Variants in PRKAR2B observed in about 807,000 individuals in gnomAD.
PRKAR2B encodes protein kinase cAMP-dependent type II regulatory subunit beta.
In PRKAR2B, 14 loss-of-function variants were observed where a neutral mutation model predicts 49.9. The ratio of observed to expected loss-of-function variants is 0.28; its 90% CI spans 0.19 to 0.44. The LOEUF is 0.44. PRKAR2B is among the 20% of genes least tolerant of loss of function. The probability of loss-of-function intolerance (pLI) is 1.00; values close to 1 mark genes in which losing one functional copy is unlikely to be tolerated. For synonymous variants in PRKAR2B, 196 were observed against 197.7 expected (o/e 0.99, Z 0.07); for missense variants, 393 against 537.9 (o/e 0.73, Z 2.67).
chr7:107,049,227 C>A (rs918949591), intron 1 of PRKAR2B, among the ~76,000 whole-genome samples: 3 of 152,106 alleles, frequency 2.0e-5, no homozygotes, highest in Non-Finnish European at 4.4e-5. Flanking sequence ...GATAAATGGA[C>A]AAGTGGTCAG....
At chr7:107,060,709 A>G (rs1426224931) in intron 1 of PRKAR2B, among the ~76,000 whole-genome samples, 1 of 148,256 alleles carries the variant, frequency 6.7e-6, no homozygotes, top group African/African-American at 2.5e-5. Flanking sequence ...AAAATCTCCC[A>G]ATCTTAGGTT....
chr7:107,066,059 G>A (rs912931364), intron 1 of PRKAR2B, among the ~76,000 whole-genome samples: 3 of 152,182 alleles, frequency 2.0e-5, no homozygotes, highest in African/African-American at 7.2e-5. Context: ...ATACAAGCAC[G>A]AAGATATTCA....
At chr7:107,094,976 C>A (rs1401330496) in intron 2 of PRKAR2B, among the ~76,000 whole-genome samples, 1 of 152,088 alleles carries the variant, frequency 6.6e-6, no homozygotes, top group African/African-American at 2.4e-5. Flanking sequence ...TTAGGATTGT[C>A]TTGGCAATAC....
chr7:107,153,705 G>A lies in PRKAR2B; in HGVS notation c.918+454G>A, dbSNP rs183766188. On this transcript the variant is annotated intron_variant, in intron 8 of 10. Coordinates refer to ENST00000265717, the MANE Select transcript of PRKAR2B (RefSeq NM_002736.3). ...TCCAAGACTACATGTGGGTCAACATGTTATTTAATCCCTAATACTTTTCTA... is the reference window on the plus strand; with the variant it reads ...TCCAAGACTACATGTGGGTCAACATATTATTTAATCCCTAATACTTTTCTA... Among the ~76,000 whole-genome samples, 311 of 152,262 alleles carry A rather than the reference G, an allele frequency of 2.0e-3. 2 individuals are homozygous for A. The highest frequency in any genetic ancestry group is 7.1e-3 in the African/African-American group (293 of 41,552).
chr7:107,126,413 T>G, intron 3 of PRKAR2B, among the ~76,000 whole-genome samples: 1 of 98,970 alleles, frequency 1.0e-5, no homozygotes. Context: ...AGAGTGAGAA[T>G]CTGTCTCAAA....
chr7:107,057,280 C>T (rs1486388303), intron 1 of PRKAR2B, among the ~76,000 whole-genome samples: 2 of 152,154 alleles, frequency 1.3e-5, no homozygotes, highest in South Asian at 2.1e-4. Context: ...GCATGTTCTT[C>T]AGCCACCTCC....
At position 107,070,334 on chromosome 7, in the gene PRKAR2B, A is replaced by T. The variant is rs928823801; in HGVS notation, c.343+18A>T. ...TGCCTCAGGTAAGTCTGATTATATT[A>T]TGGATTTTGTTTATTAATGGTGACA... On this transcript the variant is annotated intron_variant, in intron 2 of 10. Coordinates refer to ENST00000265717, the MANE Select transcript of PRKAR2B (RefSeq NM_002736.3). 1 of 1,587,618 alleles carries T rather than the reference A, an allele frequency of 6.3e-7. No individual in the cohort carries two copies. Among genetic ancestry groups the T allele is most frequent in the Admixed American group, 1.7e-5 (1 of 59,028 alleles).
At chr7:107,090,565 G>T (rs1409608721) in intron 2 of PRKAR2B, among the ~76,000 whole-genome samples, 1 of 152,190 alleles carries the variant, frequency 6.6e-6, no homozygotes, top group Non-Finnish European at 1.5e-5. Context: ...AGTTTAGACT[G>T]GCTGCCCTGA....
Position 107,080,617 on chromosome 7 carries a change from G to A in PRKAR2B, c.343+10301G>A, listed in dbSNP as rs181469063. 3.7e-3 allele frequency among the ~76,000 whole-genome samples: 563 copies of A among 152,244 alleles called. 4 individuals are homozygous for A. The highest frequency in any genetic ancestry group is 0.013 in the African/African-American group (548 of 41,542). On this transcript the variant is annotated intron_variant, in intron 2 of 10. Transcript: ENST00000265717. Reference sequence around the variant, plus strand: ...TGACCAAGGGTGACAGAGCAAAGAGGACATAGTTGGATTGATAGTTTTTAG... The same window carrying A: ...TGACCAAGGGTGACAGAGCAAAGAGAACATAGTTGGATTGATAGTTTTTAG...
At chr7:107,101,875 CTTTTTTTTTT>C (rs10589473) in intron 2 of PRKAR2B, among the ~76,000 whole-genome samples, 8 of 94,256 alleles carry the variant, frequency 8.5e-5, no homozygotes, top group Non-Finnish European at 1.6e-4. Flanking sequence ...AGCCCTGATC[CTTTTTTTTTT>C]TTTTTTTTTT....
intron 1 of PRKAR2B, among the ~76,000 whole-genome samples, chr7:107,057,093 C>G (rs1030843286): frequency 1.3e-5 from 2 of 152,180 alleles, no homozygotes; most frequent in Non-Finnish European, 1.5e-5. Context: ...GTTTCCTCAT[C>G]ATTCCTGCCA....
At chr7:107,072,744 A>G (rs1028093565) in intron 2 of PRKAR2B, among the ~76,000 whole-genome samples, 18 of 151,522 alleles carry the variant, frequency 1.2e-4, no homozygotes, top group South Asian at 6.2e-4. Flanking sequence ...AAAATAAAAA[A>G]GAAATGATTA....
rs1794639405 is a variant in PRKAR2B, at chr7:107,087,288, A to G, written c.343+16972A>G. On this transcript the variant is annotated intron_variant, in intron 2 of 10. Coordinates refer to ENST00000265717, the MANE Select transcript of PRKAR2B (RefSeq NM_002736.3). ...TCTTATTTCCTCCTTTTAAACTTGAAAAGTACTATATTAAGGGCATTAGAA... is the reference window on the plus strand; with the variant it reads ...TCTTATTTCCTCCTTTTAAACTTGAGAAGTACTATATTAAGGGCATTAGAA... Among the ~76,000 whole-genome samples the G allele has an allele frequency of 2.0e-5, 3 of 152,112 alleles. No homozygotes were observed. The South Asian group carries it at 6.2e-4, about 31-fold the overall frequency.
At chr7:107,121,858 G>A (rs768796920) in intron 2 of PRKAR2B, 94 bp from the exon 3 acceptor site, 11 of 644,172 alleles carry the variant, frequency 1.7e-5, no homozygotes, top group Non-Finnish European at 2.5e-5. Context: ...TTATACCGTG[G>A]TACTCTTTTT....
intron 2 of PRKAR2B, among the ~76,000 whole-genome samples, chr7:107,101,323 A>G (rs1794962170): frequency 6.6e-6 from 1 of 152,124 alleles, no homozygotes; most frequent in Admixed American, 6.5e-5. Flanking sequence ...TATAAGGGCA[A>G]TGGGACTTGT....
chr7:107,138,824 C>T (rs1795745004), intron 4 of PRKAR2B, among the ~76,000 whole-genome samples: 1 of 152,126 alleles, frequency 6.6e-6, no homozygotes, highest in Non-Finnish European at 1.5e-5. Context: ...GCTGAGACGA[C>T]AAGTGTGCAC....
rs1349918280 is a variant in PRKAR2B at position 107,045,169 on chromosome 7, G to A, written c.262G>A (p.Gly88Arg). 9.4e-6 allele frequency: 14 copies of A among 1,482,590 alleles called. No homozygotes were observed. The South Asian group carries it at 1.5e-4, about 16-fold the overall frequency. 91.8% of individuals were successfully genotyped at this position (1,482,590 alleles called of 1,614,324 possible). A position where few individuals can be genotyped will look rare whatever the true frequency, so the allele number is the denominator to read the frequency against. The change falls in exon 1 of 11, where the codon GGG becomes AGG. Residue 88 changes from glycine to arginine, a missense_variant. Around this residue, in one of 2 missense-constraint regions of PRKAR2B, gnomAD observed 160 missense variants for 147.6 expected, o/e 1.08. Transcript: ENST00000265717. ...EEPMQSDSEDGEEEEAAPADA... is the reference protein window; with the variant it reads ...EEPMQSDSEDREEEEAAPADA... ...GCCCATGCAGTCCGACTCCGAGGAC[G>A]GGGAGGAGGAGGAGGCGGCGCCCGC...
chr7:107,114,697 A>T (rs1035884336), intron 2 of PRKAR2B, among the ~76,000 whole-genome samples: 2 of 151,944 alleles, frequency 1.3e-5, no homozygotes, highest in African/African-American at 4.8e-5. Flanking sequence ...TAAGAGGAAA[A>T]TACCAAATGA....
intron 2 of PRKAR2B, among the ~76,000 whole-genome samples, chr7:107,090,665 T>G (rs761191002): frequency 1.3e-5 from 2 of 152,230 alleles, no homozygotes; most frequent in East Asian, 3.9e-4. Context: ...TGCAGTTTAC[T>G]CAGCATGTTT....
Sources: allele counts gnomAD v4.1 joint callset (sites outside exome capture counted in the v4.1 genomes callset), GRCh38; gene constraint gnomAD v4.1.1; regional missense constraint gnomAD v4.1.1; transcripts MANE v1.5; gene names NCBI Gene and HGNC (gene_info 2026-07-23, HGNC 2026-07-21).